RYR3: variants seen among roughly 807,000 people sequenced by gnomAD.
RYR3 encodes ryanodine receptor 3, also known as brain ryanodine receptor-calcium release channel.
Under a neutral mutation model 584.3 loss-of-function variants are expected in RYR3, and 207 were observed. That is an observed-to-expected ratio of 0.35 (90% CI 0.32 to 0.40). The LOEUF is 0.40. Ranked by LOEUF, RYR3 falls within the 10% of genes least tolerant of loss-of-function variation. The pLI is 1.00. For synonymous variants in RYR3, 2,416 were observed against 2,248.5 expected, an observed-to-expected ratio of 1.07 and a Z score of -2.11; for missense variants, 5,616 against 6,089.2, an observed-to-expected ratio of 0.92 and a Z score of 2.59.
chr15:33,822,017 C>CCATTCATTCATCCATT (rs1555474726), intron 80 of RYR3, among the ~76,000 whole-genome samples: 1 of 151,414 alleles, frequency 6.6e-6, no homozygotes, highest in Non-Finnish European at 1.5e-5. Context: ...GTTCGTTCAT[C>CCATTCATTCATCCATT]CATTCATTCA....
intron 18 of RYR3, among the ~76,000 whole-genome samples, chr15:33,605,488 G>T (rs1023487887): frequency 6.6e-6 from 1 of 152,206 alleles, no homozygotes; most frequent in African/African-American, 2.4e-5. Flanking sequence ...TTCAAAAACT[G>T]ATTGTGGCTC....
intron 74 of RYR3, among the ~76,000 whole-genome samples, chr15:33,814,372 AG>A (rs2076696678): frequency 6.6e-6 from 1 of 152,268 alleles, no homozygotes; most frequent in East Asian, 1.9e-4. Flanking sequence ...TCAAATCAGT[AG>A]GAATATTCTC....
intron 1 of RYR3, among the ~76,000 whole-genome samples, chr15:33,398,748 G>A (rs1475813442): frequency 6.6e-6 from 1 of 152,140 alleles, no homozygotes; most frequent in Non-Finnish European, 1.5e-5. Flanking sequence ...CAGGAGGTTG[G>A]GGGGTGATGG....
At chr15:33,396,094 G>A (rs374340020) in intron 1 of RYR3, among the ~76,000 whole-genome samples, 27 of 152,182 alleles carry the variant, frequency 1.8e-4, no homozygotes, top group African/African-American at 6.0e-4. Flanking sequence ...GATTCATGCC[G>A]GTGACTTTTC....
chr15:33,756,952 G>A (rs1223696541), intron 59 of RYR3, among the ~76,000 whole-genome samples: 5 of 152,170 alleles, frequency 3.3e-5, no homozygotes, highest in African/African-American at 9.7e-5. Flanking sequence ...TGGGTGATAC[G>A]TTTTCTGCCT....
intron 1 of RYR3, among the ~76,000 whole-genome samples, chr15:33,392,755 G>A (rs1484855794): frequency 8.5e-5 from 13 of 152,166 alleles, no homozygotes; most frequent in Non-Finnish European, 1.6e-4. Flanking sequence ...GAGGGGTTAT[G>A]AGTGGGTCAT....
chr15:33,821,831 T>C (rs1481938768), intron 80 of RYR3, among the ~76,000 whole-genome samples: 5 of 152,248 alleles, frequency 3.3e-5, no homozygotes, highest in Non-Finnish European at 5.9e-5. Flanking sequence ...GGATTAAAGA[T>C]AAAAACATTT....
chr15:33,629,594 G>A (rs747090456), intron 21 of RYR3, among the ~76,000 whole-genome samples: 3 of 152,184 alleles, frequency 2.0e-5, no homozygotes, highest in Non-Finnish European at 2.9e-5. Context: ...TCTGTAGCCT[G>A]TCCTATGCTG....
At chr15:33,566,973 C>T (rs2057751213) in intron 12 of RYR3, among the ~76,000 whole-genome samples, 174 bp downstream of exon 12, 1 of 152,196 alleles carries the variant, frequency 6.6e-6, no homozygotes, top group African/African-American at 2.4e-5. Context: ...AGGCGAACTC[C>T]TACTAGCTTC....
chr15:33,633,663 C>A (rs2061368575), intron 24 of RYR3, among the ~76,000 whole-genome samples: 1 of 152,210 alleles, frequency 6.6e-6, no homozygotes, highest in Non-Finnish European at 1.5e-5. Flanking sequence ...AAGAACACAA[C>A]TGTGCAAACT....
intron 21 of RYR3, among the ~76,000 whole-genome samples, chr15:33,629,134 A>G (rs2061146860): frequency 6.6e-6 from 1 of 152,210 alleles, no homozygotes; most frequent in Non-Finnish European, 1.5e-5. Flanking sequence ...GTGTATTTAT[A>G]TAGCTACCAT....
chr15:33,836,208 G>C (rs1257476939), intron 87 of RYR3, among the ~76,000 whole-genome samples: 3 of 149,392 alleles, frequency 2.0e-5, no homozygotes, highest in African/African-American at 7.4e-5. Flanking sequence ...GTGAGGGGGG[G>C]GTCTGTAAAA....
At chr15:33,433,406 C>T (rs1480203606) in intron 1 of RYR3, among the ~76,000 whole-genome samples, 1 of 152,114 alleles carries the variant, frequency 6.6e-6, no homozygotes, top group East Asian at 1.9e-4. Flanking sequence ...GGTCATTCAA[C>T]ATTTTATATA....
rs1488467435 is a variant in RYR3, at chr15:33,339,451, TGAA to T, written c.51+28361_51+28363del. Among the ~76,000 whole-genome samples the T allele has an allele frequency of 6.6e-5, 10 of 152,234 alleles. No homozygotes were observed. The East Asian group carries it at 1.9e-3, about 29-fold the overall frequency. On this transcript the variant is annotated intron_variant, in intron 1 of 103. Coordinates refer to ENST00000634891, the MANE Select transcript of RYR3 (RefSeq NM_001036.6). ...TCTTCCAAGGTTATGGTAGCCAGGA[TGAA>T]GAAGAGGGGAAGGATTTGAAAGATA...
At chr15:33,523,794 C>G (rs945163247) in intron 3 of RYR3, among the ~76,000 whole-genome samples, 3 of 152,136 alleles carry the variant, frequency 2.0e-5, no homozygotes, top group South Asian at 2.1e-4. Context: ...CAACGAATCC[C>G]TGCAGCAGGA....
intron 43 of RYR3, among the ~76,000 whole-genome samples, chr15:33,720,167 T>C (rs1256957516): frequency 1.3e-5 from 2 of 152,354 alleles, no homozygotes; most frequent in East Asian, 1.9e-4. Context: ...GAGTGGTACA[T>C]GCTTACAATC....
At chr15:33,864,418 G>A (rs1368811591) in intron 103 of RYR3, among the ~76,000 whole-genome samples, 3 of 151,206 alleles carry the variant, frequency 2.0e-5, no homozygotes, top group African/African-American at 7.3e-5. Flanking sequence ...GACTAGAAGA[G>A]CTGGAGGTGG....
At chr15:33,479,103 A>ACCG (rs80083187) in intron 2 of RYR3, among the ~76,000 whole-genome samples, 12 of 139,996 alleles carry the variant, frequency 8.6e-5, no homozygotes, top group African/African-American at 3.9e-4. Context: ...TTGCAGAATG[A>ACCG]TGGAATAGTG....
intron 5 of RYR3, among the ~76,000 whole-genome samples, chr15:33,536,285 T>C (rs1482153380): frequency 3.9e-5 from 6 of 152,160 alleles, no homozygotes; most frequent in Non-Finnish European, 8.8e-5. Flanking sequence ...CTAGCATTTT[T>C]CCCCAACACA....
Sources: gnomAD v4.1 joint callset for allele counts (sites outside exome capture counted in the v4.1 genomes callset) on GRCh38, gnomAD v4.1.1 for gene constraint, MANE v1.5 for transcripts, NCBI Gene and HGNC (gene_info 2026-07-23, HGNC 2026-07-21) for gene names.